Variants in SLAIN2 observed in about 807,000 individuals in gnomAD.
SLAIN2 encodes SLAIN family member 2.
A neutral mutation model predicts 56.6 loss-of-function variants in SLAIN2; 31 were observed. The observed-to-expected ratio is 0.55, with a 90% CI of 0.41 to 0.74. The LOEUF (loss-of-function observed/expected upper bound fraction) is 0.74, where lower values mean the gene tolerates loss of function less well. Among genes scored for constraint, SLAIN2 ranks in the 30% least tolerant of loss-of-function variants. The pLI is 0.00. For missense variants in SLAIN2, 777 were observed against 754.2 expected (o/e 1.03, Z -0.35); for synonymous variants, 317 against 284.9 (o/e 1.11, Z -1.13).
intron 5 of SLAIN2, 105 bp downstream of exon 5, chr4:48,383,032 G>A: frequency 1.5e-5 from 18 of 1,193,582 alleles, no homozygotes; most frequent in Non-Finnish European, 2.1e-5. Flanking sequence ...GCTGGGCATG[G>A]TGGTGCACAT....
At position 48,341,755 on chromosome 4, in the gene SLAIN2, T is replaced by C. The variant is rs761694009; in HGVS notation, c.16T>C (p.Ser6Pro). 3.3e-6 allele frequency: 5 copies of C among 1,532,926 alleles called. No homozygotes were observed. Among genetic ancestry groups the C allele is most frequent in the Admixed American group, 4.0e-5 (2 of 49,412 alleles). 95.0% of individuals were successfully genotyped at this position (1,532,926 alleles called of 1,614,324 possible). Reference protein sequence around the residue: MEDVNSNVNADQEVRK... With the variant: MEDVNPNVNADQEVRK... ...CGGGGCCGGGATGGAGGACGTTAAC[T>C]CCAACGTGAACGCGGACCAGGAGGT... The change falls in exon 1 of 8, where the codon TCC (serine) becomes CCC (proline). Residue 6 changes from serine (S) to proline (P), a missense_variant. Physicochemically the swap from Ser to Pro is moderately conservative, Grantham distance 74 (BLOSUM62 -1). Transcript: ENST00000264313.
intron 1 of SLAIN2, among the ~76,000 whole-genome samples, chr4:48,361,476 T>TC (rs1048183520): frequency 2.6e-5 from 4 of 152,120 alleles, no homozygotes; most frequent in African/African-American, 7.2e-5. Flanking sequence ...AGAAAAAAAC[T>TC]CCATCTTAAG....
chr4:48,377,970 A>G lies in SLAIN2; in HGVS notation c.613A>G (p.Ser205Gly), dbSNP rs1715866591. ...CACCAGTCCTTACAGTCCAAATGCC[A>G]GTAGCCCATACAGCAGTGGCTTCAA... The part of the protein sequence containing the change: ...SYTSPYSPNA[S>G]SPYSSGFNSP... Residue 205 changes from serine (S) to glycine (G), a missense_variant, in exon 3 of 8, where the codon AGT becomes GGT. Physicochemically the swap from Ser to Gly is moderately conservative, Grantham distance 56 (BLOSUM62 0). Coordinates refer to ENST00000264313, the MANE Select transcript of SLAIN2 (RefSeq NM_020846.2). 2 of 1,613,970 alleles carry G rather than the reference A, an allele frequency of 1.2e-6. No individual in the cohort carries two copies. The highest frequency in any genetic ancestry group is 2.2e-5 in the South Asian group (2 of 91,090).
chr4:48,413,077 A>G (rs1716908122), intron 6 of SLAIN2, among the ~76,000 whole-genome samples: 1 of 152,038 alleles, frequency 6.6e-6, no homozygotes, highest in Non-Finnish European at 1.5e-5. Context: ...AAAAAAAACA[A>G]ATTATCCAGA....
Position 48,348,504 on chromosome 4 carries a change from A to G in SLAIN2, c.389+6376A>G, listed in dbSNP as rs1355206988. Among the ~76,000 whole-genome samples, 4 of 152,010 alleles carry G rather than the reference A, an allele frequency of 2.6e-5. No individual in the cohort carries two copies. The East Asian group carries it at 7.7e-4, about 29-fold the overall frequency. ...GGAGTTCAGAACTAGCCTGGTCAAC[A>G]TGGTGAAACCCTGTCTCTGCTAAAA... On this transcript the variant is annotated intron_variant, in intron 1 of 7. Transcript: ENST00000264313.
rs201285173 is a variant in SLAIN2 at position 48,383,185 on chromosome 4, A to G, written c.1222+258A>G. Among the ~76,000 whole-genome samples the G allele has an allele frequency of 8.4e-4, 128 of 151,852 alleles. 4 individuals are homozygous for G. The East Asian group carries it at 0.018, about 22-fold the overall frequency. Reference sequence around the variant, plus strand: ...CCTGTTTTCAAAAAAAAAAAAAAAAAAAAAGTTTCTAGATTAAAAAAAGAG... The same window carrying G: ...CCTGTTTTCAAAAAAAAAAAAAAAAGAAAAGTTTCTAGATTAAAAAAAGAG... On this transcript the variant is annotated intron_variant, in intron 5 of 7. Transcript: ENST00000264313.
intron 6 of SLAIN2, among the ~76,000 whole-genome samples, chr4:48,413,861 T>C (rs1189637446): frequency 1.3e-5 from 2 of 152,214 alleles, no homozygotes; most frequent in Non-Finnish European, 2.9e-5. Context: ...ACATGTTGGA[T>C]ATATTTTTAT....
chr4:48,411,681 C>G (rs1053255126), intron 6 of SLAIN2, among the ~76,000 whole-genome samples: 4 of 151,966 alleles, frequency 2.6e-5, no homozygotes, highest in African/African-American at 9.7e-5. Context: ...CATAGCCACT[C>G]ATGTTCTTCT....
chr4:48,368,051 C>CATTTTTTTTTTTTTTTTTTT (rs1715568350), intron 1 of SLAIN2, among the ~76,000 whole-genome samples: 1 of 88,848 alleles, frequency 1.1e-5, no homozygotes. Context: ...GTTTTTGAGG[C>CATTTTTTTTTTTTTTTTTTT]TTTTTTTTTT....
intron 6 of SLAIN2, among the ~76,000 whole-genome samples, chr4:48,407,730 A>G (rs1413205178): frequency 2.6e-5 from 4 of 152,146 alleles, no homozygotes; most frequent in African/African-American, 9.7e-5. Flanking sequence ...ACCCTTTCTT[A>G]AAGTGTACTA....
At chr4:48,356,343 T>C (rs1715153534) in intron 1 of SLAIN2, among the ~76,000 whole-genome samples, 3 of 152,214 alleles carry the variant, frequency 2.0e-5, no homozygotes, top group Admixed American at 6.5e-5. Flanking sequence ...TAAAAACTTC[T>C]TGTGTTAGTA....
chr4:48,371,982 A>T (rs1715677643), intron 2 of SLAIN2, among the ~76,000 whole-genome samples: 1 of 145,074 alleles, frequency 6.9e-6, no homozygotes, highest in Admixed American at 6.9e-5. Context: ...ACACACACAC[A>T]CACACACGCG....
intron 1 of SLAIN2, among the ~76,000 whole-genome samples, chr4:48,366,352 C>A (rs1715520388): frequency 1.3e-5 from 2 of 152,124 alleles, no homozygotes; most frequent in African/African-American, 4.8e-5. Flanking sequence ...CTGAAGTCTT[C>A]TGTATTTTTT....
rs1715875333 is a variant in SLAIN2 at position 48,378,068 on chromosome 4, G to A, written c.703+8G>A. 2.5e-6 allele frequency: 4 copies of A among 1,611,522 alleles called. No individual in the cohort carries two copies. The highest frequency in any genetic ancestry group is 3.4e-6 in the Non-Finnish European group (4 of 1,179,084). On this transcript the variant is annotated splice_region_variant and intron_variant, in intron 3 of 7. Transcript: ENST00000264313. The stretch of plus-strand genomic sequence containing the variant: ...TACTTCCTGGAAATTCAGGTAAGGA[G>A]AAAATGATATGGAGCTATTAAGGAA...
At position 48,426,105 on chromosome 4, in the gene SLAIN2, C is replaced by T. The variant is rs529154335; in HGVS notation, c.*4028C>T. On this transcript the variant is annotated 3_prime_UTR_variant, in exon 8 of 8. Transcript: ENST00000264313. ...AATCCGGAAATATTGAAGTACTGTC[C>T]GTAACATGGTTATGACATGTTAAGT... 8 of 151,054 alleles carry T rather than the reference C, an allele frequency of 5.3e-5. No individual in the cohort carries two copies. The highest frequency in any genetic ancestry group is 2.1e-4 in the South Asian group (1 of 4,786). 9.4% of individuals were successfully genotyped at this position (151,054 alleles called of 1,614,324 possible).
intron 6 of SLAIN2, among the ~76,000 whole-genome samples, chr4:48,400,485 T>G (rs1476394744): frequency 8.0e-5 from 12 of 149,648 alleles, no homozygotes; most frequent in Non-Finnish European, 1.2e-4. Context: ...CAAGCTCCTC[T>G]GCTTCCTGGG....
intron 3 of SLAIN2, 21 bp downstream of exon 3, chr4:48,378,081 A>G: frequency 6.2e-7 from 1 of 1,607,450 alleles, no homozygotes; most frequent in Non-Finnish European, 8.5e-7. Context: ...AATGATATGG[A>G]GCTATTAAGG....
chr4:48,405,673 CT>C (rs1221534450), intron 6 of SLAIN2, among the ~76,000 whole-genome samples: 2 of 151,764 alleles, frequency 1.3e-5, no homozygotes, highest in Non-Finnish European at 2.9e-5. Flanking sequence ...GGGGTTTCCT[CT>C]TTTCATGATG....
intron 1 of SLAIN2, among the ~76,000 whole-genome samples, chr4:48,357,002 C>T (rs1354195426): frequency 2.6e-5 from 4 of 151,958 alleles, no homozygotes; most frequent in Admixed American, 6.6e-5. Context: ...AATGTCACTT[C>T]AGTGCTTGAA....
Sources: allele counts gnomAD v4.1 joint callset (sites outside exome capture counted in the v4.1 genomes callset), GRCh38; gene constraint gnomAD v4.1.1; transcripts MANE v1.5; gene names NCBI Gene and HGNC (gene_info 2026-07-23, HGNC 2026-07-21).